The following B3GALT1 variants were observed in gnomAD, a reference collection of about 807,000 sequenced individuals.
B3GALT1 encodes the protein beta-1,3-galactosyltransferase 1.
Under a neutral mutation model 23.2 loss-of-function variants are expected in B3GALT1, and 10 were observed. The ratio of observed to expected loss-of-function variants is 0.43; its 90% CI spans 0.27 to 0.73. The LOEUF is 0.73. Among genes scored for constraint, B3GALT1 ranks in the 30% least tolerant of loss-of-function variants. The pLI, the probability that B3GALT1 is intolerant of heterozygous loss-of-function variation, is 0.21. For synonymous variants in B3GALT1, 156 were observed against 141.5 expected (o/e 1.10, Z -0.73); for missense variants, 299 against 405.4 (o/e 0.74, Z 2.25).
intron 4 of B3GALT1, among the ~76,000 whole-genome samples, chr2:167,841,136 T>G (rs1689640384): frequency 6.6e-6 from 1 of 151,198 alleles, no homozygotes; most frequent in Admixed American, 6.6e-5. Context: ...GTAACTAACC[T>G]GCACATTGTG....
rs376290338 is a variant in B3GALT1, at chr2:167,781,824, C to T, written c.-351-36848C>T. Among the ~76,000 whole-genome samples the T allele has an allele frequency of 1.9e-4, 29 of 152,274 alleles. 1 individual carries two copies. In the South Asian group the frequency reaches 4.1e-3, roughly 22 times the overall value. On this transcript the variant is annotated intron_variant, in intron 3 of 4. Transcript: ENST00000392690. ...TGGCGCAATCTCAGCTCACTGCAAC[C>T]TCTGCCTCCTGAATTCAAGCAATCC...
intron 3 of B3GALT1, among the ~76,000 whole-genome samples, chr2:167,788,538 G>T (rs1174874812): frequency 6.6e-6 from 1 of 151,980 alleles, no homozygotes; most frequent in Non-Finnish European, 1.5e-5. Context: ...TCACAATAGG[G>T]TTCATGTTCC....
chr2:167,639,449 C>G (rs1263911206), intron 2 of B3GALT1, among the ~76,000 whole-genome samples: 1 of 151,966 alleles, frequency 6.6e-6, no homozygotes, highest in African/African-American at 2.4e-5. Flanking sequence ...TGCAAAGATT[C>G]TTCAGTCCAA....
At chr2:167,503,054 A>T (rs1246105500) in intron 2 of B3GALT1, among the ~76,000 whole-genome samples, 2 of 152,212 alleles carry the variant, frequency 1.3e-5, no homozygotes, top group Admixed American at 6.5e-5. Flanking sequence ...AATATATATA[A>T]AAATAAAAAA....
chr2:167,787,453 T>C (rs1688359734), intron 3 of B3GALT1, among the ~76,000 whole-genome samples: 1 of 152,190 alleles, frequency 6.6e-6, no homozygotes, highest in Admixed American at 6.5e-5. Context: ...GGGAGTAGGA[T>C]GTACCAGCCA....
intron 3 of B3GALT1, among the ~76,000 whole-genome samples, chr2:167,732,472 C>T (rs73019340): frequency 0.015 from 2,235 of 152,230 alleles, 52 homozygotes; most frequent in African/African-American, 0.051. Flanking sequence ...TCCACAGCAC[C>T]GGAGCCAACA....
intron 1 of B3GALT1, among the ~76,000 whole-genome samples, chr2:167,321,616 G>A (rs1696811828): frequency 6.6e-6 from 1 of 151,942 alleles, no homozygotes; most frequent in South Asian, 2.1e-4. Flanking sequence ...GGTCAAAGTG[G>A]AGAAAACATC....
At chr2:167,530,694 C>T (rs1033061730) in intron 2 of B3GALT1, among the ~76,000 whole-genome samples, 1 of 152,214 alleles carries the variant, frequency 6.6e-6, no homozygotes, top group African/African-American at 2.4e-5. Context: ...AGGCAATCAT[C>T]CATCTTTATT....
rs150815941 is a variant in B3GALT1 at position 167,869,592 on chromosome 2, G to A, written c.553G>A (p.Asp185Asn). ...KTDSDIFVNM[D>N]NLIYKLLKPS... The stretch of plus-strand genomic sequence containing the variant: ...AGACAGCGACATTTTTGTAAACATG[G>A]ACAATCTTATTTATAAATTACTGAA... Residue 185 changes from aspartate (D) to asparagine (N), a missense_variant, in exon 5 of 5, where the codon GAC becomes AAC. This residue lies in a region of B3GALT1 where 133 missense variants were observed against 204.8 expected (regional missense o/e 0.65). Transcript: ENST00000392690. This position sits in a 1 kb window ranked among gnomAD's most constrained non-coding sequence, Gnocchi z 6.4. The A allele has an allele frequency of 2.4e-4, 390 of 1,614,096 alleles. No homozygotes were observed. The highest frequency in any genetic ancestry group is 3.3e-4 in the Middle Eastern group (2 of 6,062).
intron 1 of B3GALT1, among the ~76,000 whole-genome samples, chr2:167,483,290 T>G (rs1007694639): frequency 6.6e-6 from 1 of 151,930 alleles, no homozygotes; most frequent in African/African-American, 2.4e-5. Context: ...CAAAACTCCA[T>G]CTCAAAACAA....
intron 2 of B3GALT1, among the ~76,000 whole-genome samples, chr2:167,643,762 T>C (rs1685694851): frequency 6.6e-6 from 1 of 152,156 alleles, no homozygotes; most frequent in Admixed American, 6.6e-5. Flanking sequence ...ATGTATAAGG[T>C]GTGGGTAAAC....
chr2:167,514,821 A>G (rs1700077292), intron 2 of B3GALT1, among the ~76,000 whole-genome samples: 1 of 152,212 alleles, frequency 6.6e-6, no homozygotes, highest in Non-Finnish European at 1.5e-5. Context: ...TTAGGTTGTT[A>G]TGAAGAAAAG....
intron 1 of B3GALT1, among the ~76,000 whole-genome samples, chr2:167,466,283 A>G (rs1001291391): frequency 1.3e-5 from 2 of 152,182 alleles, no homozygotes; most frequent in African/African-American, 4.8e-5. Flanking sequence ...TATTCAGTAT[A>G]CATTAAGAAA....
intron 1 of B3GALT1, among the ~76,000 whole-genome samples, chr2:167,352,280 GTTT>G (rs751182725): frequency 2.7e-3 from 23 of 8,630 alleles, no homozygotes; most frequent in African/African-American, 9.7e-3. Context: ...TTTTTTTTTT[GTTT>G]TTTTTTTTTT....
At chr2:167,532,965 G>T (rs1348327368) in intron 2 of B3GALT1, among the ~76,000 whole-genome samples, 1 of 150,168 alleles carries the variant, frequency 6.7e-6, no homozygotes, top group Non-Finnish European at 1.5e-5. Context: ...GGGTTCAAGC[G>T]ATTCTCCTGC....
chr2:167,839,252 A>G (rs1189878535), intron 4 of B3GALT1, among the ~76,000 whole-genome samples: 3 of 152,016 alleles, frequency 2.0e-5, no homozygotes, highest in African/African-American at 7.3e-5. Context: ...CTGTTTGCAG[A>G]TGACATGATT....
chr2:167,316,373 G>T (rs1374686824), intron 1 of B3GALT1, among the ~76,000 whole-genome samples: 2 of 152,096 alleles, frequency 1.3e-5, no homozygotes. Flanking sequence ...GAATTTTTGT[G>T]TAAATATCAG....
At chr2:167,798,769 C>CT (rs901984422) in intron 3 of B3GALT1, among the ~76,000 whole-genome samples, 11 of 152,212 alleles carry the variant, frequency 7.2e-5, no homozygotes, top group Non-Finnish European at 1.2e-4. Context: ...TATTGAAGCT[C>CT]TTTTTTGGTT....
intron 2 of B3GALT1, among the ~76,000 whole-genome samples, chr2:167,511,658 T>C (rs1032195227): frequency 2.0e-5 from 3 of 151,950 alleles, no homozygotes; most frequent in Non-Finnish European, 4.4e-5. Context: ...TTGCATAGAT[T>C]TTTTTTTAAT....
Sources: gnomAD v4.1 joint callset for allele counts (sites outside exome capture counted in the v4.1 genomes callset) on GRCh38, gnomAD v4.1.1 for gene constraint, gnomAD v4.1.1 regional missense constraint, Gnocchi (gnomAD v3.1) non-coding constraint, MANE v1.5 for transcripts, NCBI Gene and HGNC (gene_info 2026-07-23, HGNC 2026-07-21) for gene names.